The following KIAA1328 variants were observed in gnomAD, a reference collection of about 807,000 sequenced individuals.
The protein encoded by KIAA1328 is KIAA1328, also known as protein hinderin.
A neutral mutation model predicts 68.1 loss-of-function variants in KIAA1328; 52 were observed. The observed-to-expected ratio is 0.76, with a 90% CI of 0.61 to 0.96. The LOEUF (loss-of-function observed/expected upper bound fraction) is 0.96. KIAA1328 is among the 40% of genes least tolerant of loss of function. The pLI is 0.00. For synonymous variants in KIAA1328, 232 were observed against 239.4 expected (o/e 0.97, Z 0.28); for missense variants, 641 against 677.6 (o/e 0.95, Z 0.60).
intron 6 of KIAA1328, among the ~76,000 whole-genome samples, chr18:36,974,379 A>G (rs2052377230): frequency 6.6e-6 from 1 of 151,984 alleles, no homozygotes; most frequent in Non-Finnish European, 1.5e-5. Context: ...TCTAGCTCTC[A>G]TTTCTAAGTG....
At chr18:37,116,468 C>G (rs1044488018) in intron 7 of KIAA1328, among the ~76,000 whole-genome samples, 1 of 152,076 alleles carries the variant, frequency 6.6e-6, no homozygotes, top group Non-Finnish European at 1.5e-5. Context: ...ATGTAGAAAG[C>G]TGAAACTGGA....
chr18:37,131,433 G>C (rs139640351), intron 7 of KIAA1328, among the ~76,000 whole-genome samples: 273 of 152,158 alleles, frequency 1.8e-3, no homozygotes, highest in Non-Finnish European at 3.7e-4. Flanking sequence ...CTGTAAGAGA[G>C]GTTTGCATCT....
chr18:37,019,171 C>A (rs1005462336), intron 6 of KIAA1328, among the ~76,000 whole-genome samples: 3 of 151,946 alleles, frequency 2.0e-5, no homozygotes, highest in Non-Finnish European at 4.4e-5. Context: ...CTCCCCACCC[C>A]CCTCCGAGTG....
intron 7 of KIAA1328, among the ~76,000 whole-genome samples, chr18:37,153,577 C>T (rs1003651091): frequency 6.8e-6 from 1 of 146,226 alleles, no homozygotes; most frequent in African/African-American, 2.5e-5. Context: ...CATGTATTCT[C>T]TTTCCGTGTT....
At chr18:37,055,012 A>G (rs899623998) in intron 6 of KIAA1328, among the ~76,000 whole-genome samples, 2 of 152,138 alleles carry the variant, frequency 1.3e-5, no homozygotes, top group East Asian at 1.9e-4. Flanking sequence ...ATTGACTTTA[A>G]TGTCTCTCAG....
intron 6 of KIAA1328, among the ~76,000 whole-genome samples, chr18:37,017,338 G>A (rs1200358837): frequency 1.3e-5 from 2 of 152,108 alleles, no homozygotes; most frequent in South Asian, 2.1e-4. Flanking sequence ...TGGTTGATAC[G>A]ATTTCAATTT....
chr18:37,058,404 C>T (rs1418176430), intron 6 of KIAA1328, among the ~76,000 whole-genome samples: 2 of 151,970 alleles, frequency 1.3e-5, no homozygotes, highest in Non-Finnish European at 2.9e-5. Context: ...CATATGATTC[C>T]ATTTATACTT....
In KIAA1328 at chr18:37,223,897, A is replaced by G. The variant is rs2060605760; in HGVS notation, c.*1670A>G. On this transcript the variant is annotated 3_prime_UTR_variant, in exon 10 of 10. Transcript: ENST00000280020. ...ATATTTTTCTTCTGAAATAAATATA[A>G]AGTCAAGACTAACTAGTTATAATCA... The G allele has an allele frequency of 1.0e-6, 1 of 981,880 alleles. No homozygotes were observed. Among genetic ancestry groups the G allele is most frequent in the East Asian group, 1.1e-4 (1 of 8,810 alleles). 60.8% of individuals were successfully genotyped at this position (981,880 alleles called of 1,614,324 possible).
intron 6 of KIAA1328, among the ~76,000 whole-genome samples, chr18:37,054,312 A>C (rs551481316): frequency 6.6e-6 from 1 of 152,328 alleles, no homozygotes; most frequent in African/African-American, 2.4e-5. Context: ...ACTACTAGAT[A>C]TCTACCCAAA....
Position 37,223,733 on chromosome 18 carries a change from T to C in KIAA1328, c.*1506T>C, listed in dbSNP as rs2060603417. ...ATTATTTCAATCTAGAAAAGCCTTG[T>C]TGAGCAGCCTCCTTATCCAGATAGA... is the stretch of plus-strand genomic sequence containing the variant. On this transcript the variant is annotated 3_prime_UTR_variant, in exon 10 of 10. Coordinates refer to ENST00000280020, the MANE Select transcript of KIAA1328 (RefSeq NM_020776.3). 1.0e-6 allele frequency: 1 copy of C among 985,428 alleles called. No individual in the cohort carries two copies. Among genetic ancestry groups the C allele is most frequent in the Non-Finnish European group, 1.2e-6 (1 of 829,938 alleles). The allele number at this position is 985,428 out of a possible 1,614,324, so 61.0% of individuals were successfully genotyped here. A position where few individuals can be genotyped will look rare whatever the true frequency, so the allele number is the denominator to read the frequency against.
chr18:36,846,288 CTT>C (rs2047024862), intron 4 of KIAA1328, among the ~76,000 whole-genome samples: 1 of 151,508 alleles, frequency 6.6e-6, no homozygotes. Flanking sequence ...ACTTACGTCT[CTT>C]TTATCTTAAA....
chr18:36,873,780 C>T (rs974767361), intron 4 of KIAA1328, among the ~76,000 whole-genome samples: 10 of 152,108 alleles, frequency 6.6e-5, no homozygotes, highest in African/African-American at 2.4e-4. Flanking sequence ...TGGTGGTTTG[C>T]TGCACCCATC....
At chr18:37,123,559 G>A (rs976083385) in intron 7 of KIAA1328, among the ~76,000 whole-genome samples, 2 of 152,090 alleles carry the variant, frequency 1.3e-5, no homozygotes, top group African/African-American at 4.8e-5. Context: ...ACATAAGAGA[G>A]TTTCAAAGAA....
At chr18:37,143,023 TG>T (rs1285056015) in intron 7 of KIAA1328, among the ~76,000 whole-genome samples, 2 of 151,852 alleles carry the variant, frequency 1.3e-5, no homozygotes, top group Non-Finnish European at 2.9e-5. Flanking sequence ...GGCATGATCT[TG>T]GCTTACTGCA....
At chr18:36,998,642 A>T (rs1417064691) in intron 6 of KIAA1328, among the ~76,000 whole-genome samples, 2 of 152,152 alleles carry the variant, frequency 1.3e-5, no homozygotes, top group Non-Finnish European at 2.9e-5. Context: ...ACCACCCCCT[A>T]GCCCCTAAGG....
At chr18:37,214,875 T>C (rs1408346633) in intron 9 of KIAA1328, among the ~76,000 whole-genome samples, 1 of 152,200 alleles carries the variant, frequency 6.6e-6, no homozygotes, top group Non-Finnish European at 1.5e-5. Flanking sequence ...ACATCCCTTG[T>C]AAGTTGTATT....
chr18:36,913,519 CA>C (rs1400489952), intron 5 of KIAA1328, among the ~76,000 whole-genome samples: 63 of 107,978 alleles, frequency 5.8e-4, no homozygotes, highest in Non-Finnish European at 9.2e-4. Context: ...CACACACACA[CA>C]CACTTAGAGG....
At chr18:37,096,199 G>A (rs1314681409) in intron 7 of KIAA1328, among the ~76,000 whole-genome samples, 2 of 152,014 alleles carry the variant, frequency 1.3e-5, no homozygotes, top group Admixed American at 1.3e-4. Context: ...TTAACATTAG[G>A]TATATCTCCT....
intron 9 of KIAA1328, among the ~76,000 whole-genome samples, chr18:37,207,687 C>T (rs1476080144): frequency 6.6e-6 from 1 of 152,222 alleles, no homozygotes; most frequent in Non-Finnish European, 1.5e-5. Flanking sequence ...TGTGAGGCCA[C>T]TTCACATCTT....
Sources: allele counts gnomAD v4.1 joint callset (sites outside exome capture counted in the v4.1 genomes callset), GRCh38; gene constraint gnomAD v4.1.1; transcripts MANE v1.5; gene names NCBI Gene and HGNC (gene_info 2026-07-23, HGNC 2026-07-21).